The following CAMK1D variants were observed in gnomAD, a reference collection of about 807,000 sequenced individuals.
CAMK1D encodes calcium/calmodulin-dependent protein kinase type 1D.
Under a neutral mutation model 47.7 loss-of-function variants are expected in CAMK1D, and 9 were observed. The observed-to-expected ratio is 0.19, with a 90% CI of 0.11 to 0.33. The LOEUF is 0.33. Among genes scored for constraint, CAMK1D ranks in the 10% least tolerant of loss-of-function variants. The probability of loss-of-function intolerance (pLI) is 1.00; values close to 1 mark genes in which losing one functional copy is unlikely to be tolerated. For missense variants in CAMK1D, 291 were observed against 488.7 expected, an observed-to-expected ratio of 0.60 and a Z score of 3.81; for synonymous variants, 184 against 184.9, an observed-to-expected ratio of 0.99 and a Z score of 0.04.
chr10:12,511,761 C>T (rs895554261), intron 1 of CAMK1D, among the ~76,000 whole-genome samples: 2 of 152,226 alleles, frequency 1.3e-5, no homozygotes, highest in African/African-American at 2.4e-5. Context: ...GTATGCAGAA[C>T]CCATGGGCCG....
rs1837952843 is a variant in CAMK1D at position 12,369,794 on chromosome 10, A to G, written c.92+19884A>G. On this transcript the variant is annotated intron_variant, in intron 1 of 10. Transcript: ENST00000619168. ...GCCAACATGGTGAAACCCCGTCTCT[A>G]CAAATACAAAAATTAGCTGAGTGTG... Among the ~76,000 whole-genome samples the G allele has an allele frequency of 2.0e-5, 3 of 152,030 alleles. No homozygotes were observed. The South Asian group carries it at 6.2e-4, about 32-fold the overall frequency.
At chr10:12,533,983 G>A (rs1157344990) in intron 1 of CAMK1D, among the ~76,000 whole-genome samples, 1 of 152,158 alleles carries the variant, frequency 6.6e-6, no homozygotes, top group Non-Finnish European at 1.5e-5. Context: ...GAATCTGCCT[G>A]ATAGCTGAAT....
intron 1 of CAMK1D, among the ~76,000 whole-genome samples, chr10:12,547,143 A>G (rs1302205026): frequency 6.6e-6 from 1 of 152,154 alleles, no homozygotes; most frequent in Non-Finnish European, 1.5e-5. Flanking sequence ...GATGGAGCGG[A>G]AATGGACATA....
At chr10:12,477,262 G>A (rs780880547) in intron 1 of CAMK1D, among the ~76,000 whole-genome samples, 2 of 151,948 alleles carry the variant, frequency 1.3e-5, no homozygotes, top group African/African-American at 2.4e-5. Context: ...CTAAAAATAC[G>A]AAAATTAACT....
chr10:12,398,706 A>T lies in CAMK1D; in HGVS notation c.92+48796A>T, dbSNP rs139258328. ...GATTCTACATTTGAACAAAACAAAG[A>T]TATTATAAATTTTGATAAATAAAAG... On this transcript the variant is annotated intron_variant, in intron 1 of 10. Coordinates refer to ENST00000619168, the MANE Select transcript of CAMK1D (RefSeq NM_153498.4). 9.6e-3 allele frequency among the ~76,000 whole-genome samples: 1,468 copies of T among 152,326 alleles called. 20 individuals carry two copies. Among genetic ancestry groups the T allele is most frequent in the African/African-American group, 0.034 (1,411 of 41,572 alleles).
intron 2 of CAMK1D, among the ~76,000 whole-genome samples, chr10:12,630,373 C>CA (rs1554800257): frequency 1.1e-5 from 1 of 93,658 alleles, no homozygotes; most frequent in Non-Finnish European, 2.3e-5. Context: ...CTTTTTCTTT[C>CA]TTTTTTTTTT....
chr10:12,549,836 C>T (rs1836519743), intron 1 of CAMK1D, among the ~76,000 whole-genome samples: 3 of 152,218 alleles, frequency 2.0e-5, no homozygotes, highest in South Asian at 2.1e-4. Flanking sequence ...AGCTTCCTGC[C>T]GTGGCAGTGC....
intron 2 of CAMK1D, among the ~76,000 whole-genome samples, chr10:12,604,937 G>A (rs1056621658): frequency 7.3e-5 from 11 of 151,628 alleles, no homozygotes; most frequent in Non-Finnish European, 2.9e-5. Flanking sequence ...GCCCAGGCTG[G>A]AGTGCAATGG....
intron 1 of CAMK1D, among the ~76,000 whole-genome samples, chr10:12,508,261 T>C (rs1834937959): frequency 6.6e-6 from 1 of 152,258 alleles, no homozygotes; most frequent in African/African-American, 2.4e-5. Context: ...CAAATTTCCG[T>C]TGACGGATGA....
intron 1 of CAMK1D, among the ~76,000 whole-genome samples, chr10:12,552,888 CGT>C (rs1377978544): frequency 6.6e-6 from 1 of 152,152 alleles, no homozygotes; most frequent in Admixed American, 6.5e-5. Flanking sequence ...ATTACAGGTG[CGT>C]GCCACCACCT....
At chr10:12,519,124 C>T (rs1428327336) in intron 1 of CAMK1D, among the ~76,000 whole-genome samples, 4 of 92,250 alleles carry the variant, frequency 4.3e-5, no homozygotes, top group Non-Finnish European at 7.0e-5. Context: ...GGGCTGACCC[C>T]CCCACCACCC....
intron 6 of CAMK1D, among the ~76,000 whole-genome samples, chr10:12,792,448 C>T (rs1838016761): frequency 6.6e-6 from 1 of 152,228 alleles, no homozygotes; most frequent in Non-Finnish European, 1.5e-5. Context: ...TTCCCCATTT[C>T]ATCACCCCCA....
At chr10:12,623,960 T>G (rs1839127505) in intron 2 of CAMK1D, among the ~76,000 whole-genome samples, 1 of 152,110 alleles carries the variant, frequency 6.6e-6, no homozygotes, top group Non-Finnish European at 1.5e-5. Context: ...GTACCTGTAC[T>G]CCCAGCTATT....
intron 1 of CAMK1D, among the ~76,000 whole-genome samples, chr10:12,510,954 C>T (rs146788459): frequency 6.4e-4 from 97 of 152,288 alleles, no homozygotes; most frequent in Non-Finnish European, 1.3e-3. Context: ...GGAAAGGACT[C>T]GGCTCTGGGA....
chr10:12,825,144 G>A (rs72773691), intron 9 of CAMK1D, among the ~76,000 whole-genome samples: 2 of 99,272 alleles, frequency 2.0e-5, no homozygotes, highest in Admixed American at 1.1e-4. Flanking sequence ...CGCAAAAGTA[G>A]TTGTGGTTTC....
chr10:12,406,646 C>T (rs998870757), intron 1 of CAMK1D, among the ~76,000 whole-genome samples: 6 of 130,632 alleles, frequency 4.6e-5, no homozygotes, highest in South Asian at 5.4e-4. Context: ...TTGGTTGAGC[C>T]GGGGAGGCGG....
intron 3 of CAMK1D, among the ~76,000 whole-genome samples, chr10:12,705,152 G>T (rs571457805): frequency 4.7e-4 from 71 of 152,110 alleles, no homozygotes; most frequent in Admixed American, 7.9e-4. Flanking sequence ...AAAACAAAAA[G>T]AAAATAGAAC....
At chr10:12,670,301 G>T (rs997689651) in intron 3 of CAMK1D, among the ~76,000 whole-genome samples, 2 of 151,798 alleles carry the variant, frequency 1.3e-5, no homozygotes, top group African/African-American at 4.8e-5. Flanking sequence ...TTTATGCCCC[G>T]ATTGGCCACT....
intron 1 of CAMK1D, among the ~76,000 whole-genome samples, chr10:12,484,341 T>C (rs1231902539): frequency 6.6e-6 from 1 of 152,168 alleles, no homozygotes; most frequent in Non-Finnish European, 1.5e-5. Context: ...GCGTGAACTC[T>C]GTGTTTGGAG....
Sources: allele counts gnomAD v4.1 joint callset (sites outside exome capture counted in the v4.1 genomes callset), GRCh38; gene constraint gnomAD v4.1.1; transcripts MANE v1.5; gene names NCBI Gene and HGNC (gene_info 2026-07-23, HGNC 2026-07-21).